LAMA2: variants seen among roughly 807,000 people sequenced by gnomAD.
LAMA2 encodes laminin subunit alpha 2.
In LAMA2, 269 loss-of-function variants were observed where a neutral mutation model predicts 364.8. That is an observed-to-expected ratio of 0.74 (90% CI 0.67 to 0.82). LAMA2 has a LOEUF of 0.82. Among genes scored for constraint, LAMA2 ranks in the 40% least tolerant of loss-of-function variants. LAMA2 has a pLI of 0.00. For synonymous variants in LAMA2, 1,379 were observed against 1,370.6 expected, an observed-to-expected ratio of 1.01 and a Z score of -0.14; for missense variants, 3,807 against 3,873.2, an observed-to-expected ratio of 0.98 and a Z score of 0.45.
intron 1 of LAMA2, among the ~76,000 whole-genome samples, chr6:128,931,187 C>T (rs962166756): frequency 1.3e-5 from 2 of 152,098 alleles, no homozygotes; most frequent in African/African-American, 4.8e-5. Context: ...ATTCTTCAAA[C>T]AAAAGAAATT....
intron 56 of LAMA2, chr6:129,491,006 A>G (rs1221016280): frequency 6.6e-6 from 1 of 152,122 alleles, no homozygotes; most frequent in African/African-American, 2.4e-5. Context: ...TTACTTCTTT[A>G]TAAAGTCAAG....
chr6:128,901,015 C>A (rs772524545), intron 1 of LAMA2, among the ~76,000 whole-genome samples: 1 of 152,082 alleles, frequency 6.6e-6, no homozygotes, highest in Non-Finnish European at 1.5e-5. Flanking sequence ...AAATTAGCTG[C>A]GTGTGGTGGC....
intron 4 of LAMA2, among the ~76,000 whole-genome samples, chr6:129,104,151 C>G (rs1250829078): frequency 6.6e-6 from 1 of 152,044 alleles, no homozygotes; most frequent in Non-Finnish European, 1.5e-5. Context: ...AAAAAATCAG[C>G]CTCCAGCTAA....
chr6:128,891,898 C>T (rs552554429), intron 1 of LAMA2, among the ~76,000 whole-genome samples: 19 of 152,048 alleles, frequency 1.2e-4, no homozygotes, highest in South Asian at 6.2e-4. Context: ...GTAACTGAAT[C>T]GTAGAAAACG....
At chr6:128,979,946 A>T (rs1432509144) in intron 1 of LAMA2, among the ~76,000 whole-genome samples, 1 of 152,216 alleles carries the variant, frequency 6.6e-6, no homozygotes, top group African/African-American at 2.4e-5. Flanking sequence ...ACAGGACACA[A>T]ATGAAAGAAG....
intron 29 of LAMA2, among the ~76,000 whole-genome samples, chr6:129,330,660 C>G (rs1381050487): frequency 3.5e-4 from 49 of 139,188 alleles, no homozygotes; most frequent in African/African-American, 1.2e-3. Flanking sequence ...TAAATACTTC[C>G]ACTTCAATGT....
chr6:129,049,884 G>A (rs762697134), intron 1 of LAMA2, 34 bp from the exon 2 acceptor site: 1 of 1,591,364 alleles, frequency 6.3e-7, no homozygotes, highest in South Asian at 1.1e-5. Flanking sequence ...CTTTGTTTCT[G>A]GTCTACACAC....
intron 12 of LAMA2, among the ~76,000 whole-genome samples, chr6:129,193,491 A>T (rs1047885240): frequency 1.3e-5 from 2 of 152,096 alleles, no homozygotes; most frequent in Non-Finnish European, 2.9e-5. Flanking sequence ...ATACAGGCTT[A>T]TTTTTTTCTG....
chr6:129,445,797 C>T lies in LAMA2; in HGVS notation c.6405C>T (p.Asn2135=), dbSNP rs376452979. The change falls in exon 45 of 65, where the codon AAC becomes AAT. Residue 2135 remains asparagine (N), a synonymous_variant. Coordinates refer to ENST00000421865, the MANE Select transcript of LAMA2 (RefSeq NM_000426.4). ...KNISEIKELI[N]QARKQANSIK... ...TCTCTGAGATAAAGGAATTGATAAA[C>T]CAAGCTCGGAAACAAGCCAATTCTG... is the stretch of plus-strand genomic sequence containing the variant. The T allele has an allele frequency of 2.2e-5, 35 of 1,613,630 alleles. No homozygotes were observed. The highest frequency in any genetic ancestry group is 2.1e-4 in the African/African-American group (16 of 75,022).
intron 4 of LAMA2, among the ~76,000 whole-genome samples, chr6:129,129,903 G>T (rs1466907370): frequency 7.7e-6 from 1 of 130,160 alleles, no homozygotes; most frequent in South Asian, 2.5e-4. Flanking sequence ...CAGCCTGGGC[G>T]ACAGAGCGAG....
intron 9 of LAMA2, among the ~76,000 whole-genome samples, chr6:129,176,465 TTC>T (rs560264196): frequency 1.7e-3 from 258 of 152,144 alleles, no homozygotes; most frequent in African/African-American, 5.8e-3. Flanking sequence ...TATTCAAATT[TTC>T]TGTTTTTTCT....
At chr6:128,980,309 T>C (rs1782784855) in intron 1 of LAMA2, among the ~76,000 whole-genome samples, 1 of 152,220 alleles carries the variant, frequency 6.6e-6, no homozygotes. Context: ...TTTTGCACTA[T>C]ATACCGCTTG....
In LAMA2 at chr6:129,427,732, ATTTG is replaced by A. The variant is rs1562554198; in HGVS notation, c.5866-16_5866-13del. On this transcript the variant is annotated splice_polypyrimidine_tract_variant and intron_variant, in intron 40 of 64. Transcript: ENST00000421865. ...TATTCTATGGTTTTAGATGTATGAC[ATTTG>A]TTTTTCTGTCCACAGGCAACAGGTC... 2.6e-6 allele frequency: 4 copies of A among 1,554,078 alleles called. No homozygotes were observed. The highest frequency in any genetic ancestry group is 2.7e-6 in the Non-Finnish European group (3 of 1,126,034).
At chr6:129,138,306 T>G (rs2114949342) in intron 4 of LAMA2, among the ~76,000 whole-genome samples, 1 of 152,188 alleles carries the variant, frequency 6.6e-6, no homozygotes. Flanking sequence ...ATGAGCAGTA[T>G]TAGAATTAAT....
intron 43 of LAMA2, chr6:129,442,120 T>G: frequency 3.3e-6 from 3 of 917,414 alleles, no homozygotes; most frequent in Non-Finnish European, 4.7e-6. Flanking sequence ...TATCAAAATA[T>G]TTGGAGTATA....
intron 18 of LAMA2, among the ~76,000 whole-genome samples, chr6:129,283,513 C>G (rs1788879985): frequency 6.6e-6 from 1 of 151,764 alleles, no homozygotes; most frequent in South Asian, 2.1e-4. Context: ...TCCCCGCTCC[C>G]CAGCTGGCAA....
chr6:129,280,283 C>T (rs1045249477), intron 18 of LAMA2, 136 bp downstream of exon 18: 9 of 689,324 alleles, frequency 1.3e-5, no homozygotes, highest in African/African-American at 5.4e-5. Flanking sequence ...TTTCTCAACG[C>T]ACTTGTCAAA....
chr6:128,990,949 T>C (rs1056121132), intron 1 of LAMA2, among the ~76,000 whole-genome samples: 4 of 152,110 alleles, frequency 2.6e-5, no homozygotes, highest in African/African-American at 4.8e-5. Context: ...AGAATACAGG[T>C]ATTTTAATTT....
At chr6:129,407,467 A>G (rs9402122) in intron 40 of LAMA2, among the ~76,000 whole-genome samples, 76,283 of 152,056 alleles carry the variant, frequency 0.5, 19,635 homozygotes, top group African/African-American at 0.62. Flanking sequence ...TGAAGTCAAT[A>G]AATTTTATGT....
Sources: gnomAD v4.1 joint callset for allele counts (sites outside exome capture counted in the v4.1 genomes callset) on GRCh38, gnomAD v4.1.1 for gene constraint, MANE v1.5 for transcripts, NCBI Gene and HGNC (gene_info 2026-07-23, HGNC 2026-07-21) for gene names.